VWA5A: variants seen among roughly 807,000 people sequenced by gnomAD.
VWA5A encodes the protein von Willebrand factor A domain-containing protein 5A.
In VWA5A, 77 loss-of-function variants were observed where a neutral mutation model predicts 84.6. The observed-to-expected ratio is 0.91, with a 90% CI of 0.76 to 1.10. VWA5A has a LOEUF of 1.10. Among genes scored for constraint, VWA5A ranks in the 50% least tolerant of loss-of-function variants. The pLI is 0.00. For missense variants in VWA5A, 973 were observed against 963.0 expected, an observed-to-expected ratio of 1.01 and a Z score of -0.14; for synonymous variants, 334 against 350.1, an observed-to-expected ratio of 0.95 and a Z score of 0.51.
intron 11 of VWA5A, among the ~76,000 whole-genome samples, chr11:124,128,254 A>G (rs1565617692): frequency 6.6e-6 from 1 of 152,204 alleles, no homozygotes; most frequent in East Asian, 1.9e-4. Flanking sequence ...TCCCAACACC[A>G]TTTATTAAAT....
intron 15 of VWA5A, among the ~76,000 whole-genome samples, chr11:124,140,197 G>T (rs759518642): frequency 1.3e-5 from 2 of 152,084 alleles, no homozygotes; most frequent in African/African-American, 2.4e-5. Flanking sequence ...CTAATATTTT[G>T]TTGAGGATTG....
At chr11:124,120,126 C>T (rs1864908266) in intron 7 of VWA5A, among the ~76,000 whole-genome samples, 1 of 152,182 alleles carries the variant, frequency 6.6e-6, no homozygotes, top group Non-Finnish European at 1.5e-5. Context: ...ATCTCCAAAA[C>T]TTTTTTGTTT....
At chr11:124,136,741 CTTCCTTCA>C (rs1367328914) in intron 14 of VWA5A, 67 bp downstream of exon 14, 109 of 1,198,286 alleles carry the variant, frequency 9.1e-5, no homozygotes, top group Admixed American at 2.1e-4. Flanking sequence ...TCCTTCCTTC[CTTCCTTCA>C]TTCCCTCCCT....
intron 11 of VWA5A, among the ~76,000 whole-genome samples, chr11:124,127,018 A>G (rs1176626976): frequency 6.6e-6 from 1 of 152,158 alleles, no homozygotes; most frequent in African/African-American, 2.4e-5. Flanking sequence ...CATATTTGTC[A>G]ATTTTTCATT....
At chr11:124,139,317 A>G (rs1285277237) in intron 15 of VWA5A, among the ~76,000 whole-genome samples, 1 of 150,034 alleles carries the variant, frequency 6.7e-6, no homozygotes, top group Non-Finnish European at 1.5e-5. Flanking sequence ...CGATTTTTTA[A>G]TGCTGTGAAG....
intron 2 of VWA5A, among the ~76,000 whole-genome samples, chr11:124,116,910 G>A (rs1864840163): frequency 6.6e-6 from 1 of 152,154 alleles, no homozygotes; most frequent in African/African-American, 2.4e-5. Flanking sequence ...GCCTGTGGCA[G>A]GAGTCCATCT....
intron 7 of VWA5A, 144 bp downstream of exon 7, chr11:124,119,233 C>T (rs1864893536): frequency 2.6e-6 from 2 of 759,042 alleles, no homozygotes; most frequent in East Asian, 5.4e-5. Context: ...CTATGTCATG[C>T]AAAAATGGTT....
At chr11:124,142,385 G>C (rs866469605) in intron 16 of VWA5A, 57 bp from the exon 17 acceptor site, 1 of 1,598,536 alleles carries the variant, frequency 6.3e-7, no homozygotes. Context: ...ATTCAAGTGT[G>C]CTGAGGTGCC....
intron 11 of VWA5A, among the ~76,000 whole-genome samples, chr11:124,134,592 A>T (rs1865145106): frequency 6.6e-6 from 1 of 151,982 alleles, no homozygotes; most frequent in East Asian, 1.9e-4. Flanking sequence ...TCTTGCAGTA[A>T]GACAGATCAG....
At chr11:124,117,964 G>A (rs545683352) in intron 4 of VWA5A, 89 bp downstream of exon 4, 49 of 1,474,880 alleles carry the variant, frequency 3.3e-5, no homozygotes, top group Middle Eastern at 1.9e-4. Flanking sequence ...TCTACTAAAT[G>A]TACCTTCACA....
intron 11 of VWA5A, among the ~76,000 whole-genome samples, chr11:124,131,215 C>G (rs1865092355): frequency 6.6e-6 from 1 of 152,044 alleles, no homozygotes; most frequent in Non-Finnish European, 1.5e-5. Context: ...TTATAAATAT[C>G]TATCTGATAC....
At position 124,123,489 on chromosome 11, in the gene VWA5A, C is replaced by T. The variant is rs373130398; in HGVS notation, c.1019+35C>T. On this transcript the variant is annotated intron_variant, in intron 9 of 18. Transcript: ENST00000456829. ...TGGAAAGACAATAGGGAGTACAAAA[C>T]GAGACTTTAAAGAAAGGGACTAAAT... is the stretch of plus-strand genomic sequence containing the variant. 89 of 1,609,046 alleles carry T rather than the reference C, an allele frequency of 5.5e-5. No individual in the cohort carries two copies. In the South Asian group the frequency reaches 7.5e-4, roughly 14 times the overall value.
chr11:124,136,730 TTCCTTCCTTCC>T, intron 14 of VWA5A, 56 bp downstream of exon 14: 1 of 1,302,480 alleles, frequency 7.7e-7, no homozygotes, highest in Non-Finnish European at 1.1e-6. Flanking sequence ...CCTTCCTTCC[TTCCTTCCTTCC>T]TTCCTTCATT....
At position 124,118,529 on chromosome 11, in the gene VWA5A, A is replaced by T; in HGVS notation, c.470-4A>T. 1 of 1,613,944 alleles carries T rather than the reference A, an allele frequency of 6.2e-7. No homozygotes were observed. The highest frequency in any genetic ancestry group is 1.6e-4 in the Middle Eastern group (1 of 6,062). ...GAAAACAGAACTAAGGTCATCTTTT[A>T]TAGGGTCGTCTAAGGACAGTTGCCT... On this transcript the variant is annotated splice_region_variant and splice_polypyrimidine_tract_variant and intron_variant, in intron 5 of 18. Coordinates refer to ENST00000456829, the MANE Select transcript of VWA5A (RefSeq NM_001130142.2).
At chr11:124,127,351 C>T (rs1048124482) in intron 11 of VWA5A, among the ~76,000 whole-genome samples, 2 of 152,154 alleles carry the variant, frequency 1.3e-5, no homozygotes, top group African/African-American at 4.8e-5. Context: ...TGAACTCATC[C>T]TTTTTTATGG....
intron 11 of VWA5A, among the ~76,000 whole-genome samples, chr11:124,126,791 A>C (rs10750258): frequency 0.7 from 106,076 of 151,794 alleles, 38,058 homozygotes; most frequent in African/African-American, 0.88. Context: ...ACACCATATA[A>C]CCTTCACCCG....
chr11:124,123,476 A>G, intron 9 of VWA5A, 22 bp downstream of exon 9: 3 of 1,611,716 alleles, frequency 1.9e-6, no homozygotes, highest in Non-Finnish European at 2.5e-6. Context: ...GAAAGACAAT[A>G]GGGAGTACAA....
At chr11:124,140,231 T>C (rs1860700120) in intron 15 of VWA5A, among the ~76,000 whole-genome samples, 1 of 152,176 alleles carries the variant, frequency 6.6e-6, no homozygotes, top group Non-Finnish European at 1.5e-5. Context: ...ATCAAGGATA[T>C]TGGCCTGTAA....
intron 12 of VWA5A, 94 bp from the exon 13 acceptor site, chr11:124,136,035 A>G (rs1865175843): frequency 7.3e-7 from 1 of 1,378,356 alleles, no homozygotes; most frequent in Non-Finnish European, 1.0e-6. Context: ...GACATGTATT[A>G]TGTATCACAT....
Sources: allele counts gnomAD v4.1 joint callset (sites outside exome capture counted in the v4.1 genomes callset), GRCh38; gene constraint gnomAD v4.1.1; transcripts MANE v1.5; gene names NCBI Gene and HGNC (gene_info 2026-07-23, HGNC 2026-07-21).